The following ARRB1 variants were observed in gnomAD, a reference collection of about 807,000 sequenced individuals.
The protein encoded by ARRB1 is beta-arrestin-1.
Under a neutral mutation model 56.8 loss-of-function variants are expected in ARRB1, and 21 were observed. The observed-to-expected ratio is 0.37, with a 90% CI of 0.26 to 0.53. The LOEUF (loss-of-function observed/expected upper bound fraction) is 0.53, where lower values mean the gene tolerates loss of function less well. ARRB1 is among the 20% of genes least tolerant of loss of function. ARRB1 has a pLI of 0.88. For missense variants in ARRB1, 424 were observed against 553.7 expected, an observed-to-expected ratio of 0.77 and a Z score of 2.35; for synonymous variants, 210 against 218.6, an observed-to-expected ratio of 0.96 and a Z score of 0.35.
chr11:75,345,521 T>C (rs1947753212), intron 1 of ARRB1, among the ~76,000 whole-genome samples: 1 of 152,114 alleles, frequency 6.6e-6, no homozygotes, highest in South Asian at 2.1e-4. Context: ...AGGGCTCACA[T>C]GGGAGACAAG....
At chr11:75,276,763 C>G in intron 10 of ARRB1, 76 bp downstream of exon 10, 1 of 1,486,144 alleles carries the variant, frequency 6.7e-7, no homozygotes, top group Non-Finnish European at 9.3e-7. Flanking sequence ...CCACCTGGAC[C>G]TGTAACAGGA....
At chr11:75,313,532 T>G (rs1012980264) in intron 1 of ARRB1, among the ~76,000 whole-genome samples, 2 of 152,138 alleles carry the variant, frequency 1.3e-5, no homozygotes, top group Admixed American at 6.5e-5. Context: ...AAGGTTAAGC[T>G]TTGTGCCTTA....
chr11:75,286,864 A>T (rs1050710799), intron 3 of ARRB1, among the ~76,000 whole-genome samples: 2 of 152,152 alleles, frequency 1.3e-5, no homozygotes, highest in African/African-American at 4.8e-5. Flanking sequence ...TTGCCATCAC[A>T]AGGAAGCAGA....
intron 1 of ARRB1, among the ~76,000 whole-genome samples, chr11:75,318,527 T>C (rs1339213312): frequency 6.6e-6 from 1 of 152,058 alleles, no homozygotes; most frequent in Non-Finnish European, 1.5e-5. Flanking sequence ...CCATCTCTAC[T>C]AAAAATACAA....
At chr11:75,284,303 C>A in intron 3 of ARRB1, 24 bp from the exon 4 acceptor site, 1 of 1,600,986 alleles carries the variant, frequency 6.2e-7, no homozygotes, top group Non-Finnish European at 8.5e-7. Context: ...AGAGAGTAAG[C>A]GGCCTCTCCC....
intron 1 of ARRB1, among the ~76,000 whole-genome samples, chr11:75,300,950 A>G (rs902286003): frequency 1.2e-4 from 17 of 138,442 alleles, no homozygotes; most frequent in Admixed American, 9.2e-4. Context: ...CCTGGGCGAC[A>G]GAGCGAGACT....
At chr11:75,305,740 C>T (rs1485104172) in intron 1 of ARRB1, among the ~76,000 whole-genome samples, 2 of 151,872 alleles carry the variant, frequency 1.3e-5, no homozygotes, top group East Asian at 3.9e-4. Flanking sequence ...TGGTCGTGTG[C>T]ACGCACTCTA....
At chr11:75,320,827 C>T (rs997077865) in intron 1 of ARRB1, among the ~76,000 whole-genome samples, 7 of 152,172 alleles carry the variant, frequency 4.6e-5, no homozygotes, top group African/African-American at 1.7e-4. Flanking sequence ...CAGAGATGGC[C>T]CTGGACTCCC....
Position 75,263,771 on chromosome 11 carries a change from C to T in ARRB1, c.*2392G>A, listed in dbSNP as rs1401194712. ...AAAAAAAAAAAGATAGTGCTCTGAT[C>T]CTTCCCTGCAGCTGGAGAAATTTGC... On this transcript the variant is annotated 3_prime_UTR_variant, in exon 16 of 16. Coordinates refer to ENST00000420843, the MANE Select transcript of ARRB1 (RefSeq NM_004041.5). Among the ~76,000 whole-genome samples, 1 of 152,102 alleles carries T rather than the reference C, an allele frequency of 6.6e-6. No homozygotes were observed. The highest frequency in any genetic ancestry group is 2.4e-5 in the African/African-American group (1 of 41,424).
chr11:75,280,097 TTGGTGTGGATTTTAAATGTCCCATTGG>T (rs1320700882), intron 7 of ARRB1, among the ~76,000 whole-genome samples: 1 of 152,158 alleles, frequency 6.6e-6, no homozygotes, highest in Non-Finnish European at 1.5e-5. Context: ...TAGTAACTCC[TTGGTGTGGATTTTAAATGTCCCATTGG>T]TGGTAGGGTG....
At chr11:75,267,614 G>GCCCCCC in intron 15 of ARRB1, 38 bp downstream of exon 15, 1 of 1,325,140 alleles carries the variant, frequency 7.5e-7, no homozygotes, top group Non-Finnish European at 1.1e-6. Context: ...CCCACCCGCG[G>GCCCCCC]CCCACCCCCG....
At chr11:75,351,083 C>T (rs79950403) in intron 1 of ARRB1, among the ~76,000 whole-genome samples, 3,232 of 152,252 alleles carry the variant, frequency 0.021, 188 homozygotes, top group Admixed American at 0.12. Context: ...TCAGTGTATG[C>T]CCACACGTGT....
At chr11:75,271,826 G>C (rs1419309605) in intron 12 of ARRB1, 102 bp from the exon 13 acceptor site, 9 of 1,322,552 alleles carry the variant, frequency 6.8e-6, no homozygotes, top group South Asian at 2.8e-5. Flanking sequence ...CCCCCGGATA[G>C]AGAAGACCCA....
At chr11:75,266,720 T>G (rs1945925652) in intron 15 of ARRB1, among the ~76,000 whole-genome samples, 1 of 152,006 alleles carries the variant, frequency 6.6e-6, no homozygotes, top group African/African-American at 2.4e-5. Context: ...CCCAGAAAAC[T>G]ACCCTTAGGA....
At chr11:75,315,884 G>A (rs1290351245) in intron 1 of ARRB1, among the ~76,000 whole-genome samples, 1 of 152,166 alleles carries the variant, frequency 6.6e-6, no homozygotes, top group African/African-American at 2.4e-5. Flanking sequence ...GAGACCTCAA[G>A]ACCAAATTAG....
rs1343082734 is a variant in ARRB1, at chr11:75,261,537, T to C, written c.*4626A>G. On this transcript the variant is annotated 3_prime_UTR_variant, in exon 16 of 16. Coordinates refer to ENST00000420843, the MANE Select transcript of ARRB1 (RefSeq NM_004041.5). ...ACAAAGCTCTGTGGAATATCAGGGG[T>C]TCCGCAGCACCTGGTTTGAAAACCA... The C allele has an allele frequency of 1.3e-5, 2 of 152,166 alleles. No homozygotes were observed. The highest frequency in any genetic ancestry group is 4.8e-5 in the African/African-American group (2 of 41,438). 9.4% of individuals were successfully genotyped at this position (152,166 alleles called of 1,614,324 possible).
At chr11:75,350,415 A>G (rs926870958) in intron 1 of ARRB1, among the ~76,000 whole-genome samples, 1 of 152,188 alleles carries the variant, frequency 6.6e-6, no homozygotes, top group Non-Finnish European at 1.5e-5. Flanking sequence ...TAGAAGAGAA[A>G]GACAGAAAAC....
chr11:75,294,204 A>C (rs1173168735), intron 1 of ARRB1, among the ~76,000 whole-genome samples: 1 of 152,130 alleles, frequency 6.6e-6, no homozygotes, highest in Non-Finnish European at 1.5e-5. Flanking sequence ...TCTGTAGAGT[A>C]ATGTTTTCCA....
intron 1 of ARRB1, among the ~76,000 whole-genome samples, chr11:75,328,681 A>T (rs1947476151): frequency 6.6e-6 from 1 of 152,090 alleles, no homozygotes; most frequent in Non-Finnish European, 1.5e-5. Context: ...CCCAGACTCT[A>T]CTATAGTCTG....
Sources: allele counts gnomAD v4.1 joint callset (sites outside exome capture counted in the v4.1 genomes callset), GRCh38; gene constraint gnomAD v4.1.1; transcripts MANE v1.5; gene names NCBI Gene and HGNC (gene_info 2026-07-23, HGNC 2026-07-21).